PLXNA4: variants seen among roughly 807,000 people sequenced by gnomAD.
PLXNA4 encodes the protein plexin-A4.
A neutral mutation model predicts 191.8 loss-of-function variants in PLXNA4; 44 were observed. The ratio of observed to expected loss-of-function variants is 0.23; its 90% CI spans 0.18 to 0.29. The LOEUF is 0.29. Among genes scored for constraint, PLXNA4 ranks in the 10% least tolerant of loss-of-function variants. The pLI is 1.00. For missense variants in PLXNA4, 1,800 were observed against 2,488.8 expected, an observed-to-expected ratio of 0.72 and a Z score of 5.89; for synonymous variants, 1,082 against 1,009.5, an observed-to-expected ratio of 1.07 and a Z score of -1.36.
At chr7:132,250,186 G>T (rs1415141797) in intron 4 of PLXNA4, among the ~76,000 whole-genome samples, 1 of 152,148 alleles carries the variant, frequency 6.6e-6, no homozygotes. Flanking sequence ...TAATTGGGAT[G>T]ACACATATGA....
chr7:132,441,857 G>A (rs1030030388), intron 3 of PLXNA4, among the ~76,000 whole-genome samples: 3 of 152,202 alleles, frequency 2.0e-5, no homozygotes, highest in Non-Finnish European at 2.9e-5. Context: ...TGATCCCAAA[G>A]GTAGACTCAG....
chr7:132,227,559 T>A lies in PLXNA4; in HGVS notation c.1774A>T (p.Asn592Tyr). The change falls in exon 7 of 32, where the codon AAC becomes TAC. Residue 592 changes from asparagine to tyrosine, a missense_variant. Physicochemically the swap from Asn to Tyr is moderately radical, Grantham distance 143 (BLOSUM62 -2). This residue lies in a region of PLXNA4 where 1,397 missense variants were observed against 1,880.4 expected (regional missense o/e 0.74). Coordinates refer to ENST00000321063, the MANE Select transcript of PLXNA4 (RefSeq NM_020911.2). ...YNVPELSAGV[N>Y]CTFEDLSEMD... ...TCTGACAGGTCCTCAAAGGTGCAGT[T>A]GACGCCAGCTGACAGCTCCGGGACA... The A allele has an allele frequency of 1.2e-6, 2 of 1,614,140 alleles. No homozygotes were observed. The highest frequency in any genetic ancestry group is 2.2e-5 in the South Asian group (2 of 91,080).
intron 3 of PLXNA4, among the ~76,000 whole-genome samples, chr7:132,430,099 CA>C (rs1353046081): frequency 1.3e-5 from 2 of 152,198 alleles, no homozygotes; most frequent in Non-Finnish European, 2.9e-5. Context: ...TTCTATGCAG[CA>C]CAACCTAACT....
At chr7:132,347,420 C>T (rs910509641) in intron 3 of PLXNA4, among the ~76,000 whole-genome samples, 4 of 152,244 alleles carry the variant, frequency 2.6e-5, no homozygotes, top group South Asian at 2.1e-4. Flanking sequence ...CCCACAAGGG[C>T]GAGCCTGTTC....
rs147515173 is a variant in PLXNA4, at chr7:132,316,189, G to A, written c.1372-17967C>T. ...CTCAAATGACTAAACTAAAAAATGC[G>A]ACTCTATCACCATAAGCCTCCCTAT... is the stretch of plus-strand genomic sequence containing the variant. On this transcript the variant is annotated intron_variant, in intron 3 of 31. Transcript: ENST00000321063. 3.3e-5 allele frequency among the ~76,000 whole-genome samples: 5 copies of A among 152,148 alleles called. No homozygotes were observed. The East Asian group carries it at 7.7e-4, about 23-fold the overall frequency.
At chr7:132,546,256 G>A (rs926867010) in intron 1 of PLXNA4, among the ~76,000 whole-genome samples, 4 of 152,200 alleles carry the variant, frequency 2.6e-5, no homozygotes, top group African/African-American at 9.6e-5. Flanking sequence ...TGCAGGAATA[G>A]ATGCTTCCAG....
chr7:132,233,570 C>A (rs1798595083), intron 5 of PLXNA4, among the ~76,000 whole-genome samples: 1 of 152,196 alleles, frequency 6.6e-6, no homozygotes. Flanking sequence ...GCCCATGGTC[C>A]TTTGCCATCT....
At chr7:132,214,364 A>G (rs1797898956) in intron 9 of PLXNA4, among the ~76,000 whole-genome samples, 1 of 152,202 alleles carries the variant, frequency 6.6e-6, no homozygotes, top group Admixed American at 6.5e-5. Context: ...TAGTTTGCAT[A>G]TAAAAAGGTT....
chr7:132,398,090 C>A (rs1793834451), intron 3 of PLXNA4, among the ~76,000 whole-genome samples: 3 of 152,190 alleles, frequency 2.0e-5, no homozygotes, highest in Admixed American at 2.0e-4. Flanking sequence ...AGCTAAGCCA[C>A]CTAGTCCAAA....
At chr7:132,279,382 A>T (rs1358051918) in intron 4 of PLXNA4, among the ~76,000 whole-genome samples, 1 of 152,160 alleles carries the variant, frequency 6.6e-6, no homozygotes, top group Admixed American at 6.5e-5. Context: ...TGGCTCACAC[A>T]CTTTGGGATG....
intron 1 of PLXNA4, among the ~76,000 whole-genome samples, chr7:132,510,731 T>G (rs1439538241): frequency 6.6e-6 from 1 of 152,128 alleles, no homozygotes; most frequent in Non-Finnish European, 1.5e-5. Flanking sequence ...GCTGTGAACT[T>G]CAAGAAGACA....
intron 3 of PLXNA4, among the ~76,000 whole-genome samples, chr7:132,465,660 C>A (rs1796672634): frequency 6.6e-6 from 1 of 152,164 alleles, no homozygotes. Flanking sequence ...TCGTCCTCTC[C>A]CATGTGCTGT....
intron 3 of PLXNA4, among the ~76,000 whole-genome samples, chr7:132,393,046 T>G (rs1488040903): frequency 1.4e-5 from 2 of 142,420 alleles, no homozygotes; most frequent in East Asian, 4.6e-4. Flanking sequence ...CAAATAAAAC[T>G]ATTACAGTTT....
chr7:132,394,003 G>A (rs1052988057), intron 3 of PLXNA4, among the ~76,000 whole-genome samples: 6 of 129,962 alleles, frequency 4.6e-5, no homozygotes, highest in Admixed American at 8.2e-5. Context: ...TTTTTTTTTC[G>A]TATTAACTGG....
intron 3 of PLXNA4, among the ~76,000 whole-genome samples, chr7:132,316,911 G>T (rs537688785): frequency 5.9e-5 from 9 of 152,322 alleles, no homozygotes; most frequent in Non-Finnish European, 1.3e-4. Context: ...TAGCTGTGTT[G>T]TGCTGGGGTT....
Position 132,130,121 on chromosome 7 carries a change from G to C in PLXNA4, c.*358C>G, listed in dbSNP as rs1794882706. ...AAGTAGCAGCACAGAAATGTCCCCT[G>C]TCCCTGGCTCCTCATTCGTTATTTG... On this transcript the variant is annotated 3_prime_UTR_variant, in exon 32 of 32. Transcript: ENST00000321063. 1 of 249,332 alleles carries C rather than the reference G, an allele frequency of 4.0e-6. No individual in the cohort carries two copies. The highest frequency in any genetic ancestry group is 4.5e-5 in the Admixed American group (1 of 22,100). The allele number at this position is 249,332 out of a possible 1,614,324, so 15.4% of individuals were successfully genotyped here.
intron 1 of PLXNA4, among the ~76,000 whole-genome samples, chr7:132,542,684 T>C (rs1800134556): frequency 6.6e-6 from 1 of 152,228 alleles, no homozygotes; most frequent in South Asian, 2.1e-4. Context: ...AAGTTTTCTG[T>C]ATTTATTATA....
intron 3 of PLXNA4, chr7:132,484,674 C>T: frequency 7.2e-7 from 1 of 1,381,662 alleles, no homozygotes; most frequent in Non-Finnish European, 9.7e-7. Flanking sequence ...TGCCCTCTGC[C>T]CTAACCACAT....
chr7:132,631,879 T>C (rs1803496665), intron 2 of PLXNA4, among the ~76,000 whole-genome samples: 1 of 152,218 alleles, frequency 6.6e-6, no homozygotes, highest in African/African-American at 2.4e-5. Flanking sequence ...TTCCTTTCTT[T>C]TCTACTCATT....
Sources: allele counts gnomAD v4.1 joint callset (sites outside exome capture counted in the v4.1 genomes callset), GRCh38; gene constraint gnomAD v4.1.1; regional missense constraint gnomAD v4.1.1; transcripts MANE v1.5; gene names NCBI Gene and HGNC (gene_info 2026-07-23, HGNC 2026-07-21).